The following TUT1 variants were observed in gnomAD, a reference collection of about 807,000 sequenced individuals.
The protein encoded by TUT1 is terminal uridylyl transferase 1, U6 snRNA-specific, also known as speckle targeted PIP5K1A-regulated poly(A) polymerase.
In TUT1, 26 loss-of-function variants were observed where a neutral mutation model predicts 48.8. The ratio of observed to expected loss-of-function variants is 0.53; its 90% CI spans 0.39 to 0.74. TUT1 has a LOEUF of 0.74. Among genes scored for constraint, TUT1 ranks in the 30% least tolerant of loss-of-function variants. The pLI is 0.00. For synonymous variants in TUT1, 470 were observed against 460.8 expected (o/e 1.02, Z -0.26); for missense variants, 1,065 against 1,114.8 (o/e 0.96, Z 0.64).
chr11:62,576,832 C>T, intron 7 of TUT1, 75 bp downstream of exon 7: 1 of 1,591,676 alleles, frequency 6.3e-7, no homozygotes, highest in Non-Finnish European at 8.6e-7. Context: ...CACAGAGCTG[C>T]TTGGTGTATC....
intron 5 of TUT1, among the ~76,000 whole-genome samples, chr11:62,577,614 C>T (rs892750743): frequency 2.7e-5 from 4 of 149,764 alleles, no homozygotes; most frequent in Admixed American, 2.7e-4. Context: ...CTGCCCAGAG[C>T]CTTTACTATG....
Position 62,580,973 on chromosome 11 carries a change from ACT to A in TUT1, c.690+131_690+132del, listed in dbSNP as rs1046281890. ...ATTCACATCTCTCCAATTACAATAA[ACT>A]CTTTCAGGTAGGTCCTATTATCTGC... On this transcript the variant is annotated intron_variant, in intron 4 of 8. Coordinates refer to ENST00000476907, the MANE Select transcript of TUT1 (RefSeq NM_022830.3). 4.3e-6 allele frequency: 3 copies of A among 694,324 alleles called. No individual in the cohort carries two copies. The African/African-American group carries it at 5.4e-5, about 12-fold the overall frequency. The allele number at this position is 694,324 out of a possible 1,614,324, so 43.0% of individuals were successfully genotyped here. A position where few individuals can be genotyped will look rare whatever the true frequency, so the allele number is the denominator to read the frequency against.
chr11:62,576,256 G>C lies in TUT1; in HGVS notation c.1475-12C>G. 1 of 1,542,134 alleles carries C rather than the reference G, an allele frequency of 6.5e-7. No individual in the cohort carries two copies. The highest frequency in any genetic ancestry group is 8.7e-7 in the Non-Finnish European group (1 of 1,146,548). On this transcript the variant is annotated splice_polypyrimidine_tract_variant and intron_variant, in intron 8 of 8. Transcript: ENST00000476907. ...GGCTAGCAGGGAACCTGGAGGAGGA[G>C]GAAGAGTGGGGAAAGGGGGGTCACT...
In TUT1 at chr11:62,581,441, C is replaced by T. The variant is rs767743940; in HGVS notation, c.534G>A (p.Gln178=). 5.1e-5 allele frequency: 82 copies of T among 1,613,212 alleles called. No homozygotes were observed. In the South Asian group the frequency reaches 8.5e-4, roughly 17 times the overall value. The change falls in exon 3 of 9, where the codon CAG becomes CAA. Residue 178 remains glutamine, a synonymous_variant. Coordinates refer to ENST00000476907, the MANE Select transcript of TUT1 (RefSeq NM_022830.3). ...TCAGGGCCACCACTAGGCTGCGAAG[C>T]TGCCGCTCGGCCTCGGACAACTCCC... ...GLRELSEAER[Q]LRSLVVALMQ...
At chr11:62,576,385 G>C (rs1941728318) in intron 8 of TUT1, 141 bp from the exon 9 acceptor site, 1 of 1,113,218 alleles carries the variant, frequency 9.0e-7, no homozygotes, top group Non-Finnish European at 1.2e-6. Flanking sequence ...AGGCTTCTCT[G>C]ATCCCTATAA....
chr11:62,579,466 G>C (rs1242150642), intron 4 of TUT1, among the ~76,000 whole-genome samples: 3 of 152,120 alleles, frequency 2.0e-5, no homozygotes, highest in Non-Finnish European at 4.4e-5. Context: ...GAAGTATTGA[G>C]GGGTAAAGGA....
intron 2 of TUT1, chr11:62,582,530 A>G: frequency 2.3e-6 from 1 of 443,310 alleles, no homozygotes; most frequent in South Asian, 1.6e-5. Flanking sequence ...CAGGATGTTG[A>G]GGCTGCAGTG....
chr11:62,578,637 G>T lies in TUT1; in HGVS notation c.1084C>A (p.Pro362Thr). 1 of 1,614,170 alleles carries T rather than the reference G, an allele frequency of 6.2e-7. No individual in the cohort carries two copies. Among genetic ancestry groups the T allele is most frequent in the Non-Finnish European group, 8.5e-7 (1 of 1,180,022 alleles). Residue 362 changes from proline to threonine, a missense_variant, in exon 5 of 9, where the codon CCC becomes ACC. Physicochemically the swap from Pro to Thr is conservative, Grantham distance 38. Coordinates refer to ENST00000476907, the MANE Select transcript of TUT1 (RefSeq NM_022830.3). ...VPGVYRVQTV[P>T]SARRPVVKFC... ...TTGACCACAGGGCGCCGGGCAGAGG[G>T]CACAGTTTGGACTCGATACACCCCA...
At chr11:62,583,128 CA>C (rs777695327) in intron 2 of TUT1, among the ~76,000 whole-genome samples, 353 of 58,546 alleles carry the variant, frequency 6.0e-3, no homozygotes, top group East Asian at 0.025. Flanking sequence ...ACTCTGTCTC[CA>C]AAAAAAAAAA....
rs1402493252 is a variant in TUT1 at position 62,576,670 on chromosome 11, A to G, written c.1461T>C (p.Asn487=). 2 of 1,614,112 alleles carry G rather than the reference A, an allele frequency of 1.2e-6. No homozygotes were observed. Among genetic ancestry groups the G allele is most frequent in the East Asian group, 4.5e-5 (2 of 44,880 alleles). The change falls in exon 8 of 9, where the codon AAT becomes AAC. Residue 487 remains asparagine (N), a synonymous_variant. Coordinates refer to ENST00000476907, the MANE Select transcript of TUT1 (RefSeq NM_022830.3). The part of the protein sequence containing the change: ...RDASRLEPSI[N]VEPLSSLLAQ... ...CCCCAAACTCACTGAGGGGCTCCAC[A>G]TTTATGCTGGGCTCCAGTCTTGAGG...
chr11:62,585,182 G>A (rs1007263828), intron 2 of TUT1, among the ~76,000 whole-genome samples: 2 of 152,144 alleles, frequency 1.3e-5, no homozygotes, highest in Non-Finnish European at 2.9e-5. Context: ...GTGCAGTGAT[G>A]TGATTATAGC....
intron 2 of TUT1, among the ~76,000 whole-genome samples, chr11:62,586,744 G>C (rs1201779688): frequency 2.0e-5 from 3 of 151,942 alleles, no homozygotes; most frequent in Middle Eastern, 3.4e-3. Flanking sequence ...GGTGAAACCT[G>C]GTCTCTACTA....
At position 62,576,990 on chromosome 11, in the gene TUT1, G is replaced by A; in HGVS notation, c.1298C>T (p.Ala433Val). Residue 433 changes from alanine to valine, a missense_variant, in exon 7 of 9, where the codon GCC becomes GTC. Coordinates refer to ENST00000476907, the MANE Select transcript of TUT1 (RefSeq NM_022830.3). ...AAAATAGATCACCAGCAAGGTCAGG[G>A]CGTAGTTACTGAGAAGGGGGCCACT... ...SGSGPLLSNY[A>V]LTLLVIYFLQ... 1 of 1,614,096 alleles carries A rather than the reference G, an allele frequency of 6.2e-7. No individual in the cohort carries two copies. The highest frequency in any genetic ancestry group is 8.5e-7 in the Non-Finnish European group (1 of 1,180,030).
rs1323395860 is a variant in TUT1, at chr11:62,575,441, G to A, written c.2278C>T (p.Leu760=). 4 of 1,611,188 alleles carry A rather than the reference G, an allele frequency of 2.5e-6. No individual in the cohort carries two copies. The African/African-American group carries it at 4.0e-5, about 16-fold the overall frequency. The change falls in exon 9 of 9, where the codon CTG becomes TTG. Residue 760 remains leucine (L), a synonymous_variant. Transcript: ENST00000476907. ...CAGCGCCAGCTCGCTGAGGAGGGCA[G>A]GGATGCCCCCTTCCCTGCCTCACCC... ...SQGEAGKGAS[L]PSSASWRCAL... is the part of the protein sequence containing the mutation.
At chr11:62,586,430 A>G (rs1193645892) in intron 2 of TUT1, among the ~76,000 whole-genome samples, 1 of 152,224 alleles carries the variant, frequency 6.6e-6, no homozygotes, top group African/African-American at 2.4e-5. Context: ...ATTAGATGCA[A>G]GTGTACATAA....
In TUT1 at chr11:62,575,268, CAG is replaced by C; in HGVS notation, c.2449_2450del (p.Leu817GlufsTer10). On this transcript the variant is annotated frameshift_variant, in exon 9 of 9. Transcript: ENST00000476907. LOFTEE classifies it high-confidence loss of function. ...EAQVTQELKG[L>X]SGGEERPETE... ...TTTCTGGCCTCTCTTCGCCACCACT[CAG>C]TCCTTTCAGCTCCTGGGTGACCTGA... is the stretch of plus-strand genomic sequence containing the variant. 1 of 1,614,214 alleles carries C rather than the reference CAG, an allele frequency of 6.2e-7. No individual in the cohort carries two copies. Among genetic ancestry groups the C allele is most frequent in the Non-Finnish European group, 8.5e-7 (1 of 1,180,030 alleles).
At chr11:62,584,312 G>C (rs1342030251) in intron 2 of TUT1, among the ~76,000 whole-genome samples, 4 of 151,972 alleles carry the variant, frequency 2.6e-5, no homozygotes, top group African/African-American at 9.7e-5. Flanking sequence ...ATTTTTAATA[G>C]AGATGTGGTT....
chr11:62,591,320 G>A, intron 1 of TUT1, 84 bp downstream of exon 1: 2 of 1,449,676 alleles, frequency 1.4e-6, no homozygotes, highest in South Asian at 3.1e-5. Flanking sequence ...AAGAACGACT[G>A]ACTACCTATA....
At chr11:62,579,982 A>C (rs558037862) in intron 4 of TUT1, among the ~76,000 whole-genome samples, 1 of 151,802 alleles carries the variant, frequency 6.6e-6, no homozygotes, top group East Asian at 1.9e-4. Flanking sequence ...TATTTTTTGA[A>C]AATAATAATA....
Sources: allele counts gnomAD v4.1 joint callset (sites outside exome capture counted in the v4.1 genomes callset), GRCh38; gene constraint gnomAD v4.1.1; transcripts MANE v1.5; gene names NCBI Gene and HGNC (gene_info 2026-07-23, HGNC 2026-07-21).